DNAH9: variants seen among roughly 807,000 people sequenced by gnomAD.
DNAH9 encodes the protein dynein axonemal heavy chain 9.
In DNAH9, 345 loss-of-function variants were observed where a neutral mutation model predicts 471.6. The ratio of observed to expected loss-of-function variants is 0.73; its 90% CI spans 0.67 to 0.80. DNAH9 has a LOEUF of 0.80. Among genes scored for constraint, DNAH9 ranks in the 30% least tolerant of loss-of-function variants. DNAH9 has a pLI of 0.00. For synonymous variants in DNAH9, 2,093 were observed against 2,123.6 expected (o/e 0.99, Z 0.40); for missense variants, 5,407 against 5,609.2 (o/e 0.96, Z 1.15).
At chr17:11,871,909 ACCAGGTGTGAAACCTGCGTAC>A in intron 52 of DNAH9, 123 bp downstream of exon 52, 1 of 1,072,216 alleles carries the variant, frequency 9.3e-7, no homozygotes, top group Non-Finnish European at 1.4e-6. Flanking sequence ...CCCCCTGAGC[ACCAGGTGTGAAACCTGCGTAC>A]CCGTGTCCTT....
intron 6 of DNAH9, among the ~76,000 whole-genome samples, chr17:11,620,227 C>T (rs1001139854): frequency 1.3e-5 from 2 of 151,674 alleles, no homozygotes; most frequent in South Asian, 4.2e-4. Context: ...AAAAAACAAA[C>T]AAGGGCCAGG....
intron 42 of DNAH9, among the ~76,000 whole-genome samples, chr17:11,794,003 T>G (rs1936663578): frequency 6.6e-6 from 1 of 151,806 alleles, no homozygotes; most frequent in Non-Finnish European, 1.5e-5. Flanking sequence ...AGGCCGCCAT[T>G]TTGGGGCTGC....
intron 48 of DNAH9, among the ~76,000 whole-genome samples, chr17:11,825,328 C>T (rs1284163806): frequency 1.3e-5 from 2 of 152,182 alleles, no homozygotes; most frequent in East Asian, 3.9e-4. Context: ...TTCCTCTCCT[C>T]ACCGCCTACC....
At chr17:11,749,377 A>G (rs1178033838) in intron 32 of DNAH9, among the ~76,000 whole-genome samples, 4 of 152,042 alleles carry the variant, frequency 2.6e-5, no homozygotes, top group African/African-American at 9.7e-5. Context: ...AGCCACCATG[A>G]TGCCAGGCCA....
chr17:11,699,489 A>G (rs1488679771), intron 22 of DNAH9, among the ~76,000 whole-genome samples: 2 of 152,192 alleles, frequency 1.3e-5, no homozygotes, highest in African/African-American at 4.8e-5. Context: ...ATTGTGACTT[A>G]GTTGGTTTAT....
chr17:11,652,740 TATGTTTCTTTTGGGGAACAGGC>T lies in DNAH9; in HGVS notation c.2354-18_2357del. The T allele has an allele frequency of 6.2e-7, 1 of 1,609,262 alleles. No homozygotes were observed. The highest frequency in any genetic ancestry group is 1.8e-4 in the Middle Eastern group (1 of 5,546). On this transcript the variant is annotated splice_acceptor_variant and splice_polypyrimidine_tract_variant and coding_sequence_variant and intron_variant, in exon 14 of 69. Transcript: ENST00000262442. LOFTEE classifies it high-confidence loss of function. ...GCCACTGCAGGCTATTTCAATTAAT[TATGTTTCTTTTGGGGAACAGGC>T]ATTTGCGATTATGTCACTGAAATCA... is the stretch of plus-strand genomic sequence containing the variant.
chr17:11,786,019 A>C (rs1171329075), intron 41 of DNAH9, among the ~76,000 whole-genome samples: 1 of 152,146 alleles, frequency 6.6e-6, no homozygotes, highest in African/African-American at 2.4e-5. Flanking sequence ...TTCACCACAC[A>C]ATCTTTCTCT....
chr17:11,717,812 C>T (rs2074991426), intron 26 of DNAH9, among the ~76,000 whole-genome samples: 1 of 152,176 alleles, frequency 6.6e-6, no homozygotes, highest in Non-Finnish European at 1.5e-5. Context: ...CCTCAGGCAG[C>T]CGCTGATCTG....
chr17:11,849,145 TA>T, intron 49 of DNAH9, among the ~76,000 whole-genome samples: 1 of 152,218 alleles, frequency 6.6e-6, no homozygotes, highest in East Asian at 1.9e-4. Context: ...CACCTCTTTG[TA>T]AAAGTATTCA....
intron 61 of DNAH9, among the ~76,000 whole-genome samples, chr17:11,917,734 G>C (rs1974002909): frequency 6.6e-6 from 1 of 152,222 alleles, no homozygotes; most frequent in Non-Finnish European, 1.5e-5. Flanking sequence ...GAAAAGCCGA[G>C]AGTACAGTAG....
intron 59 of DNAH9, among the ~76,000 whole-genome samples, chr17:11,899,183 TA>T (rs3842381): frequency 1.3e-5 from 2 of 151,146 alleles, no homozygotes; most frequent in African/African-American, 2.4e-5. Context: ...CATGATTTTT[TA>T]AAAAAAAAAA....
rs1041695768 is a variant in DNAH9 at position 11,793,512 on chromosome 17, T to G, written c.8071T>G (p.Phe2691Val). ...TCTGTTCCCCTTGAAGGGCATTCTC[T>G]TCTCCTCAGTGGAATGTGTGAAATC... ...DFANIFQGIL[F>V]SSVECVKSTW... The change falls in exon 42 of 69, where the codon TTC (phenylalanine) becomes GTC (valine). Residue 2691 changes from phenylalanine to valine, a missense_variant. By Grantham distance (50) the Phe-to-Val change is conservative. This residue lies in a region of DNAH9 where 4,636 missense variants were observed against 4,900.3 expected (regional missense o/e 0.95). Coordinates refer to ENST00000262442, the MANE Select transcript of DNAH9 (RefSeq NM_001372.4). The G allele has an allele frequency of 1.2e-6, 2 of 1,610,996 alleles. No homozygotes were observed. Among genetic ancestry groups the G allele is most frequent in the South Asian group, 2.2e-5 (2 of 89,850 alleles).
At position 11,704,267 on chromosome 17, in the gene DNAH9, A is replaced by G; in HGVS notation, c.5216A>G (p.Glu1739Gly). 6.2e-7 allele frequency: 1 copy of G among 1,614,216 alleles called. No homozygotes were observed. Among genetic ancestry groups the G allele is most frequent in the Non-Finnish European group, 8.5e-7 (1 of 1,180,030 alleles). ...TEVGMAFARL[E>G]EGYESAMKDY... ...GTGGGCATGGCATTTGCCAGGCTGG[A>G]GGAAGGCTATGAGAGTGCCATGAAG... Residue 1739 changes from glutamate to glycine, a missense_variant, in exon 25 of 69, where the codon GAG (glutamate) becomes GGG (glycine). Glu to Gly is a moderately conservative substitution (Grantham distance 98). This residue lies in a region of DNAH9 where 4,636 missense variants were observed against 4,900.3 expected (regional missense o/e 0.95). Transcript: ENST00000262442.
At chr17:11,761,123 A>T (rs1468487877) in intron 35 of DNAH9, among the ~76,000 whole-genome samples, 3 of 152,228 alleles carry the variant, frequency 2.0e-5, no homozygotes, top group Non-Finnish European at 2.9e-5. Context: ...CTGACCCTGC[A>T]TGAGATCTAG....
chr17:11,676,505 A>G (rs1597465670), intron 17 of DNAH9, among the ~76,000 whole-genome samples: 2 of 149,666 alleles, frequency 1.3e-5, no homozygotes, highest in Non-Finnish European at 3.0e-5. Flanking sequence ...CTGGTCTCGA[A>G]CTCCTGACCC....
chr17:11,891,931 C>T lies in DNAH9; in HGVS notation c.11267C>T (p.Ala3756Val). The change falls in exon 58 of 69, where the codon GCC becomes GTC. Residue 3756 changes from alanine to valine, a missense_variant. This residue lies in a region of DNAH9 where 4,636 missense variants were observed against 4,900.3 expected (regional missense o/e 0.95). Coordinates refer to ENST00000262442, the MANE Select transcript of DNAH9 (RefSeq NM_001372.4). The part of the protein sequence containing the change: ...LFECDKLTYL[A>V]QLTFQILLMN... ...GAGTGTGATAAGCTGACCTACCTTG[C>T]CCAGCTCACCTTTCAGGTAAAAGTG... 1 of 1,613,728 alleles carries T rather than the reference C, an allele frequency of 6.2e-7. No homozygotes were observed. The highest frequency in any genetic ancestry group is 2.2e-5 in the East Asian group (1 of 44,876).
chr17:11,619,475 A>G, intron 5 of DNAH9, 73 bp from the exon 6 acceptor site: 1 of 798,674 alleles, frequency 1.3e-6, no homozygotes, highest in South Asian at 1.5e-5. Context: ...GCAATGATTC[A>G]GTTCAGAGTT....
intron 19 of DNAH9, among the ~76,000 whole-genome samples, chr17:11,687,024 G>T (rs1486759907): frequency 2.0e-5 from 3 of 152,118 alleles, no homozygotes; most frequent in African/African-American, 7.2e-5. Context: ...CCTCACCCTT[G>T]GTGATCTTTT....
intron 17 of DNAH9, among the ~76,000 whole-genome samples, chr17:11,674,590 A>G (rs566090813): frequency 2.6e-5 from 4 of 152,114 alleles, no homozygotes; most frequent in African/African-American, 7.2e-5. Context: ...TTCTATATCT[A>G]GTCCTTTGCT....
Sources: gnomAD v4.1 joint callset for allele counts (sites outside exome capture counted in the v4.1 genomes callset) on GRCh38, gnomAD v4.1.1 for gene constraint, gnomAD v4.1.1 regional missense constraint, MANE v1.5 for transcripts, NCBI Gene and HGNC (gene_info 2026-07-23, HGNC 2026-07-21) for gene names.